Variants in SV2C observed in about 807,000 individuals in gnomAD.
SV2C encodes solute carrier family 22 member B3.
A neutral mutation model predicts 79.7 loss-of-function variants in SV2C; 49 were observed. The ratio of observed to expected loss-of-function variants is 0.61; its 90% CI spans 0.49 to 0.78. The LOEUF is 0.78. SV2C is among the 30% of genes least tolerant of loss of function. SV2C has a pLI of 0.00. For missense variants in SV2C, 833 were observed against 912.9 expected (o/e 0.91, Z 1.13); for synonymous variants, 334 against 333.2 (o/e 1.00, Z -0.03).
At chr5:75,881,797 C>G in the SV2C span, among the ~76,000 whole-genome samples, 1 of 149,878 alleles carries the variant, frequency 6.7e-6, no homozygotes, top group Non-Finnish European at 1.5e-5. Flanking sequence ...ATTTCCTTCT[C>G]CTGCCTAATT....
intron 1 of SV2C, among the ~76,000 whole-genome samples, chr5:76,088,804 A>G (rs1158955334): frequency 6.6e-6 from 1 of 152,154 alleles, no homozygotes; most frequent in Non-Finnish European, 1.5e-5. Flanking sequence ...TTTTTTAAAA[A>G]AAAATGGGAA....
intron 12 of SV2C, among the ~76,000 whole-genome samples, chr5:76,320,039 C>G (rs773374385): frequency 2.0e-5 from 3 of 151,964 alleles, no homozygotes; most frequent in Admixed American, 6.6e-5. Flanking sequence ...AAGCCAGGCA[C>G]GGTGGCTCAT....
chr5:76,182,940 TGA>T (rs57093673), intron 2 of SV2C, among the ~76,000 whole-genome samples: 99,874 of 144,998 alleles, frequency 0.69, 35,473 homozygotes, highest in East Asian at 0.91. Flanking sequence ...TGTGTGTATG[TGA>T]GAGAGAGAGA....
rs947430347 is a variant in SV2C, at chr5:76,328,922, G to A, written c.*3375G>A. The A allele has an allele frequency of 3.3e-5, 5 of 151,864 alleles. No individual in the cohort carries two copies. The highest frequency in any genetic ancestry group is 4.8e-5 in the African/African-American group (2 of 41,270). The allele number at this position is 151,864 out of a possible 1,614,324, so 9.4% of individuals were successfully genotyped here. On this transcript the variant is annotated 3_prime_UTR_variant, in exon 13 of 13. Coordinates refer to ENST00000502798, the MANE Select transcript of SV2C (RefSeq NM_014979.4). ...TGGGACCACACGCATGCGCCACCAC[G>A]CCCAGCTAATTTTTGTATCTTTTAG...
intron 2 of SV2C, among the ~76,000 whole-genome samples, chr5:76,183,324 T>C (rs7445798): frequency 0.79 from 119,998 of 151,798 alleles, 48,007 homozygotes; most frequent in East Asian, 0.91. Context: ...CATGCCCAGC[T>C]GAGAACCTAC....
the SV2C span, among the ~76,000 whole-genome samples, chr5:76,042,770 C>T: frequency 1.7e-4 from 26 of 152,334 alleles, no homozygotes; most frequent in East Asian, 5.0e-3. Context: ...CTATCTCAAG[C>T]CCTACCTCAG....
chr5:76,290,363 C>T (rs1232877581), intron 6 of SV2C, among the ~76,000 whole-genome samples: 2 of 152,120 alleles, frequency 1.3e-5, no homozygotes, highest in African/African-American at 4.8e-5. Flanking sequence ...GCAGGATGTC[C>T]GGAAAAACCT....
intron 4 of SV2C, among the ~76,000 whole-genome samples, chr5:76,258,326 G>A (rs1332085244): frequency 6.6e-6 from 1 of 152,038 alleles, no homozygotes; most frequent in East Asian, 1.9e-4. Flanking sequence ...TGGGCAGGGG[G>A]CAACTGCCTC....
In SV2C at chr5:76,327,477, A is replaced by G. The variant is rs1749048150; in HGVS notation, c.*1930A>G. On this transcript the variant is annotated 3_prime_UTR_variant, in exon 13 of 13. Coordinates refer to ENST00000502798, the MANE Select transcript of SV2C (RefSeq NM_014979.4). The stretch of plus-strand genomic sequence containing the variant: ...CCTATCATTTTATTGGAGAACAAAG[A>G]CAGCAGTCAAACAACCCAAGAAAGT... 1 of 152,220 alleles carries G rather than the reference A, an allele frequency of 6.6e-6. No homozygotes were observed. Among genetic ancestry groups the G allele is most frequent in the African/African-American group, 2.4e-5 (1 of 41,442 alleles). The allele number at this position is 152,220 out of a possible 1,614,324, so 9.4% of individuals were successfully genotyped here.
chr5:76,049,211 C>A, the SV2C span, among the ~76,000 whole-genome samples: 2 of 151,702 alleles, frequency 1.3e-5, no homozygotes, highest in Non-Finnish European at 2.9e-5. Flanking sequence ...GTAGTGGGTG[C>A]CTATAATCCC....
intron 1 of SV2C, among the ~76,000 whole-genome samples, chr5:76,129,408 G>T (rs1317542918): frequency 6.6e-6 from 1 of 150,606 alleles, no homozygotes; most frequent in African/African-American, 2.5e-5. Context: ...GAACTTATAT[G>T]TGCACATCCT....
In SV2C at chr5:76,324,555, C is replaced by A. The variant is rs1748926681; in HGVS notation, c.2001-809C>A. ...GAGGATTAAAGTTTGTTTTAAGAGA[C>A]CCTTCCTGCAGGGTATAGTGGCTCA... is the stretch of plus-strand genomic sequence containing the variant. On this transcript the variant is annotated intron_variant, in intron 12 of 12. Transcript: ENST00000502798. Among the ~76,000 whole-genome samples the A allele has an allele frequency of 2.0e-5, 3 of 152,108 alleles. No homozygotes were observed. In the South Asian group the frequency reaches 6.2e-4, roughly 31 times the overall value.
downstream of SV2C, among the ~76,000 whole-genome samples, chr5:76,335,954 G>T (rs1159945273): frequency 6.6e-6 from 1 of 152,188 alleles, no homozygotes; most frequent in African/African-American, 2.4e-5. Context: ...CCCAGACAGG[G>T]TGGTGGCTGG....
At chr5:76,075,619 C>T in the SV2C span, 190 of 221,582 alleles carry the variant, frequency 8.6e-4, no homozygotes, top group Admixed American at 1.3e-3. Context: ...CCAAGCTGTC[C>T]TGTGGTCCAG....
chr5:76,266,274 C>T (rs1301198370), intron 4 of SV2C, among the ~76,000 whole-genome samples: 2 of 152,174 alleles, frequency 1.3e-5, no homozygotes, highest in Non-Finnish European at 2.9e-5. Context: ...GTGGCACAAT[C>T]TCAGCTCACT....
At position 76,330,318 on chromosome 5, in the gene SV2C, T is replaced by G. The variant is rs967906649; in HGVS notation, c.*4771T>G. ...CAAGAATACAGTTTATGGGTCTGTTTCAGCTCTTACTTAAGGCTAGCATGG... is the reference window on the plus strand; with the variant it reads ...CAAGAATACAGTTTATGGGTCTGTTGCAGCTCTTACTTAAGGCTAGCATGG... On this transcript the variant is annotated 3_prime_UTR_variant, in exon 13 of 13. Transcript: ENST00000502798. 1.4e-4 allele frequency: 21 copies of G among 152,328 alleles called. No homozygotes were observed. Among genetic ancestry groups the G allele is most frequent in the Admixed American group, 1.1e-3 (17 of 15,298 alleles). 9.4% of individuals were successfully genotyped at this position (152,328 alleles called of 1,614,324 possible).
chr5:76,234,183 T>C (rs1745536872), intron 4 of SV2C, among the ~76,000 whole-genome samples: 1 of 152,220 alleles, frequency 6.6e-6, no homozygotes, highest in Non-Finnish European at 1.5e-5. Context: ...GTGAAGGAAC[T>C]AGTAATTCAG....
the SV2C span, among the ~76,000 whole-genome samples, chr5:75,873,924 A>AG: frequency 6.6e-6 from 1 of 152,090 alleles, no homozygotes; most frequent in Non-Finnish European, 1.5e-5. Context: ...TAGCCTACCA[A>AG]CCAAAAAAAG....
chr5:76,049,024 A>AG, the SV2C span, among the ~76,000 whole-genome samples: 4,539 of 120,548 alleles, frequency 0.038, 276 homozygotes, highest in South Asian at 0.05. Flanking sequence ...AGAAAGAAAG[A>AG]AAAAGAAAAG....
Sources: gnomAD v4.1 joint callset for allele counts (sites outside exome capture counted in the v4.1 genomes callset) on GRCh38, gnomAD v4.1.1 for gene constraint, MANE v1.5 for transcripts, NCBI Gene and HGNC (gene_info 2026-07-23, HGNC 2026-07-21) for gene names.